The following MRPL48 variants were observed in gnomAD, a reference collection of about 807,000 sequenced individuals.
MRPL48 encodes the protein mitochondrial ribosomal protein L48.
Under a neutral mutation model 32.9 loss-of-function variants are expected in MRPL48, and 16 were observed. The ratio of observed to expected loss-of-function variants is 0.49; its 90% CI spans 0.33 to 0.74. The LOEUF (loss-of-function observed/expected upper bound fraction) is 0.74, where lower values mean the gene tolerates loss of function less well. Ranked by LOEUF, MRPL48 falls within the 30% of genes least tolerant of loss-of-function variation. The pLI is 0.02. For synonymous variants in MRPL48, 94 were observed against 89.2 expected, an observed-to-expected ratio of 1.05 and a Z score of -0.31; for missense variants, 206 against 245.3, an observed-to-expected ratio of 0.84 and a Z score of 1.07.
intron 4 of MRPL48, among the ~76,000 whole-genome samples, chr11:73,839,955 C>T (rs1024804849): frequency 6.6e-6 from 1 of 151,266 alleles, no homozygotes. Context: ...AAAAATGAGC[C>T]AGGCATGATA....
At chr11:73,810,255 C>T (rs1350658285) in intron 3 of MRPL48, among the ~76,000 whole-genome samples, 1 of 152,182 alleles carries the variant, frequency 6.6e-6, no homozygotes, top group Non-Finnish European at 1.5e-5. Context: ...GGTGCAGTGG[C>T]TCATGCCTGT....
chr11:73,859,734 A>T (rs1948551221), intron 5 of MRPL48, among the ~76,000 whole-genome samples, 173 bp from the exon 6 acceptor site: 1 of 152,010 alleles, frequency 6.6e-6, no homozygotes, highest in African/African-American at 2.4e-5. Flanking sequence ...TTGCTTAGGG[A>T]GTTTTGAAGC....
At chr11:73,822,896 T>G in intron 3 of MRPL48, 3 of 384,200 alleles carry the variant, frequency 7.8e-6, no homozygotes, top group South Asian at 5.8e-5. Context: ...TGGCGTTAGA[T>G]TCTCATAGGA....
intron 5 of MRPL48, chr11:73,851,245 A>G: frequency 2.8e-6 from 1 of 356,372 alleles, no homozygotes; most frequent in African/African-American, 2.2e-5. Context: ...TACTCATTAG[A>G]TATTAGTATA....
At chr11:73,823,380 A>G (rs1362579352) in intron 3 of MRPL48, among the ~76,000 whole-genome samples, 23 of 152,194 alleles carry the variant, frequency 1.5e-4, no homozygotes, top group Non-Finnish European at 1.5e-4. Context: ...GATGCCATAT[A>G]CACATACATA....
chr11:73,844,464 C>T (rs1948250066), intron 4 of MRPL48, among the ~76,000 whole-genome samples: 1 of 152,052 alleles, frequency 6.6e-6, no homozygotes, highest in African/African-American at 2.4e-5. Context: ...CTGACATAAT[C>T]CCATTGGTTT....
At chr11:73,801,362 A>G (rs917500248) in intron 1 of MRPL48, among the ~76,000 whole-genome samples, 4 of 152,130 alleles carry the variant, frequency 2.6e-5, no homozygotes, top group African/African-American at 7.2e-5. Context: ...TTCAAAGTAC[A>G]TAGCTAGTGG....
intron 4 of MRPL48, among the ~76,000 whole-genome samples, chr11:73,827,542 A>G (rs975627159): frequency 2.6e-5 from 4 of 151,354 alleles, no homozygotes; most frequent in Non-Finnish European, 5.9e-5. Context: ...TGGATACAGC[A>G]TGCAAGGTAT....
At chr11:73,801,046 G>A (rs1370423288) in intron 1 of MRPL48, among the ~76,000 whole-genome samples, 1 of 151,884 alleles carries the variant, frequency 6.6e-6, no homozygotes, top group Non-Finnish European at 1.5e-5. Context: ...CCGGACCTCA[G>A]GTGATCCGCC....
chr11:73,826,252 T>C (rs952322933), intron 4 of MRPL48, among the ~76,000 whole-genome samples: 3 of 151,884 alleles, frequency 2.0e-5, no homozygotes, highest in Non-Finnish European at 2.9e-5. Flanking sequence ...GCTCCTGGCC[T>C]CAAGTGATCC....
intron 2 of MRPL48, among the ~76,000 whole-genome samples, chr11:73,807,631 C>CTTTTT (rs777408873): frequency 4.1e-4 from 44 of 106,782 alleles, no homozygotes; most frequent in South Asian, 9.9e-4. Flanking sequence ...GTATTATTAT[C>CTTTTT]TTTTTTTTTT....
intron 5 of MRPL48, among the ~76,000 whole-genome samples, chr11:73,846,965 CT>C (rs1565107297): frequency 1.3e-5 from 2 of 149,698 alleles, no homozygotes; most frequent in East Asian, 1.9e-4. Context: ...GGCTTCCTTT[CT>C]TTTTTTCTTT....
Position 73,844,954 on chromosome 11 carries a change from C to G in MRPL48, c.349C>G (p.Leu117Val), listed in dbSNP as rs780118362. The G allele has an allele frequency of 6.2e-6, 10 of 1,610,028 alleles. 1 individual carries two copies. The South Asian group carries it at 1.1e-4, about 18-fold the overall frequency. ...GTATGTTCACAACCTCTGCAACTCT[C>G]TCTCCATTAAAGTCGAGGAAAGGTA... Reference protein sequence around the residue: ...AQYVHNLCNSLSIKVEESYAM... With the variant: ...AQYVHNLCNSVSIKVEESYAM... The change falls in exon 5 of 8, where the codon CTC (leucine) becomes GTC (valine). Residue 117 changes from leucine to valine, a missense_variant. Transcript: ENST00000310614.
intron 2 of MRPL48, among the ~76,000 whole-genome samples, chr11:73,807,876 T>C (rs11601371): frequency 6.6e-6 from 1 of 152,150 alleles, no homozygotes; most frequent in Non-Finnish European, 1.5e-5. Flanking sequence ...TGACCTCAGG[T>C]CATCTGCCTG....
intron 4 of MRPL48, among the ~76,000 whole-genome samples, chr11:73,829,066 A>G (rs1456254200): frequency 6.6e-6 from 1 of 152,188 alleles, no homozygotes; most frequent in Non-Finnish European, 1.5e-5. Flanking sequence ...TTAACATGGT[A>G]TAAAAGGAAG....
At chr11:73,834,309 T>C (rs1473576793) in intron 4 of MRPL48, among the ~76,000 whole-genome samples, 1 of 152,174 alleles carries the variant, frequency 6.6e-6, no homozygotes, top group Non-Finnish European at 1.5e-5. Flanking sequence ...TAGAAATTTC[T>C]TTCTTTCTGA....
At chr11:73,811,770 A>C (rs113417907) in intron 3 of MRPL48, among the ~76,000 whole-genome samples, 2 of 152,332 alleles carry the variant, frequency 1.3e-5, no homozygotes, top group African/African-American at 4.8e-5. Flanking sequence ...GCACTTTTGC[A>C]CCAACCTAAT....
In MRPL48 at chr11:73,793,928, A is replaced by C. The variant is rs534538468; in HGVS notation, c.21+5936A>C. ...GCTATATTGCCCAGGCAGGTCTCGA[A>C]CTCCTGGGCTCAAGCTATCCTCCCA... is the stretch of plus-strand genomic sequence containing the variant. On this transcript the variant is annotated intron_variant, in intron 1 of 7. Transcript: ENST00000310614. 6.2e-3 allele frequency among the ~76,000 whole-genome samples: 800 copies of C among 129,800 alleles called. 9 individuals carry two copies. Among genetic ancestry groups the C allele is most frequent in the African/African-American group, 0.021 (723 of 34,632 alleles). 85.2% of individuals were successfully genotyped at this position (129,800 alleles called of 152,430 possible).
chr11:73,804,819 T>C (rs1947420403), intron 1 of MRPL48, among the ~76,000 whole-genome samples: 1 of 152,246 alleles, frequency 6.6e-6, no homozygotes, highest in African/African-American at 2.4e-5. Flanking sequence ...TTCTGTTTTT[T>C]GAGCATTTAC....
Sources: gnomAD v4.1 joint callset for allele counts (sites outside exome capture counted in the v4.1 genomes callset) on GRCh38, gnomAD v4.1.1 for gene constraint, MANE v1.5 for transcripts, NCBI Gene and HGNC (gene_info 2026-07-23, HGNC 2026-07-21) for gene names.